Variants in CFAP43 observed in about 807,000 individuals in gnomAD.
The protein encoded by CFAP43 is cilia and flagella associated protein 43.
In CFAP43, 155 loss-of-function variants were observed where a neutral mutation model predicts 218.9. The ratio of observed to expected loss-of-function variants is 0.71; its 90% confidence interval spans 0.62 to 0.81. The LOEUF (loss-of-function observed/expected upper bound fraction) is 0.81. Among genes scored for constraint, CFAP43 ranks in the 30% least tolerant of loss-of-function variants. CFAP43 has a pLI of 0.00. For synonymous variants in CFAP43, 645 were observed against 681.3 expected (o/e 0.95, Z 0.83); for missense variants, 1,778 against 1,954.3 (o/e 0.91, Z 1.70).
intron 10 of CFAP43, 63 bp downstream of exon 10, chr10:104,196,790 T>C (rs2090392939): frequency 2.2e-6 from 3 of 1,379,872 alleles, no homozygotes; most frequent in South Asian, 2.6e-5. Context: ...CATGTGAATA[T>C]GAAAAAGTAG....
At chr10:104,164,013 C>T (rs2134820394) in intron 24 of CFAP43, 81 bp downstream of exon 24, 1 of 1,444,924 alleles carries the variant, frequency 6.9e-7, no homozygotes, top group Non-Finnish European at 9.6e-7. Flanking sequence ...TCACTTCCCA[C>T]AGAGTAACCA....
intron 7 of CFAP43, 112 bp from the exon 8 acceptor site, chr10:104,203,915 A>T (rs558111525): frequency 2.6e-5 from 25 of 973,304 alleles, no homozygotes; most frequent in Non-Finnish European, 3.3e-5. Context: ...ATTTGGAATC[A>T]TCATCTATGT....
At position 104,179,113 on chromosome 10, in the gene CFAP43, C is replaced by A; in HGVS notation, c.2383-7G>T. On this transcript the variant is annotated splice_region_variant and splice_polypyrimidine_tract_variant and intron_variant, in intron 18 of 37. Transcript: ENST00000357060. ...TAACCTCCTTTTTGATGGCCTGAAA[C>A]AGAACAAGTATATCACTTAACAAAG... 1 of 1,606,772 alleles carries A rather than the reference C, an allele frequency of 6.2e-7. No individual in the cohort carries two copies. Among genetic ancestry groups the A allele is most frequent in the South Asian group, 1.1e-5 (1 of 90,736 alleles).
chr10:104,130,913 C>G (rs1354527613), intron 37 of CFAP43, among the ~76,000 whole-genome samples: 1 of 140,476 alleles, frequency 7.1e-6, no homozygotes, highest in Non-Finnish European at 1.5e-5. Flanking sequence ...GTGGGAGGAT[C>G]AATTGAGCCC....
chr10:104,188,549 T>G, intron 12 of CFAP43, 139 bp from the exon 13 acceptor site: 1 of 1,139,174 alleles, frequency 8.8e-7, no homozygotes, highest in South Asian at 1.7e-5. Flanking sequence ...ACATTTAAAG[T>G]GACCTTTAAA....
Position 104,192,298 on chromosome 10 carries a change from C to A in CFAP43, c.1447G>T (p.Asp483Tyr). ...ACTAACAGAAATATTCCTTGCTGAT[C>A]ATAACTAGAAAAGAAGAAATCTGAT... Reference protein sequence around the residue: ...SESSVQHVVYDQQGIFLLVGT... With the variant: ...SESSVQHVVYYQQGIFLLVGT... Residue 483 changes from aspartate to tyrosine, a missense_variant, in exon 12 of 38, where the codon GAT (aspartate) becomes TAT (tyrosine). Physicochemically the swap from Asp to Tyr is radical, Grantham distance 160. This residue lies in a region of CFAP43 where 1,553 missense variants were observed against 1,685.2 expected (regional missense o/e 0.92). Coordinates refer to ENST00000357060, the MANE Select transcript of CFAP43 (RefSeq NM_025145.7). 6.2e-7 allele frequency: 1 copy of A among 1,609,802 alleles called. No homozygotes were observed. The highest frequency in any genetic ancestry group is 8.5e-7 in the Non-Finnish European group (1 of 1,177,436).
At chr10:104,220,941 T>C (rs117840723) in intron 3 of CFAP43, among the ~76,000 whole-genome samples, 2,402 of 146,770 alleles carry the variant, frequency 0.016, 35 homozygotes, top group Non-Finnish European at 0.023. Flanking sequence ...TAACTCTATA[T>C]GAGTGAGCGT....
intron 22 of CFAP43, 51 bp from the exon 23 acceptor site, chr10:104,166,769 T>C (rs1206753120): frequency 1.4e-6 from 2 of 1,469,276 alleles, no homozygotes; most frequent in African/African-American, 2.8e-5. Flanking sequence ...AAGAATCCTC[T>C]AAAGGGAAAT....
At chr10:104,176,058 G>A (rs938938414) in intron 19 of CFAP43, among the ~76,000 whole-genome samples, 2 of 152,058 alleles carry the variant, frequency 1.3e-5, no homozygotes, top group African/African-American at 4.8e-5. Flanking sequence ...ACATAAAAAG[G>A]CCAATTTTTT....
At chr10:104,164,490 C>T (rs893122567) in intron 23 of CFAP43, among the ~76,000 whole-genome samples, 190 bp from the exon 24 acceptor site, 5 of 151,890 alleles carry the variant, frequency 3.3e-5, no homozygotes, top group African/African-American at 7.3e-5. Flanking sequence ...CTCCGCCTCC[C>T]GGGTTCACGC....
intron 23 of CFAP43, among the ~76,000 whole-genome samples, 179 bp downstream of exon 23, chr10:104,166,309 C>T (rs533128292): frequency 5.9e-5 from 9 of 152,198 alleles, no homozygotes; most frequent in African/African-American, 1.7e-4. Flanking sequence ...CTTGACCTCA[C>T]GATCTGACTG....
At chr10:104,211,948 G>C (rs764559363) in intron 5 of CFAP43, 59 bp downstream of exon 5, 25 of 1,557,726 alleles carry the variant, frequency 1.6e-5, no homozygotes, top group Non-Finnish European at 7.0e-6. Context: ...AATCAAATGA[G>C]ATCAGGCTTC....
chr10:104,224,679 T>C (rs1039996154), intron 3 of CFAP43, among the ~76,000 whole-genome samples: 4 of 138,036 alleles, frequency 2.9e-5, no homozygotes, highest in Non-Finnish European at 6.0e-5. Flanking sequence ...TGCTTGAACC[T>C]GGGAGATGGA....
Position 104,232,334 on chromosome 10 carries a change from G to T in CFAP43, c.-88C>A, listed in dbSNP as rs907264481. ...CCTTTCCGCCGCCGCGGGGCTGCGG[G>T]CCGCGACGCCGCTGCTGTGTACACC... On this transcript the variant is annotated 5_prime_UTR_variant, in exon 1 of 38. Coordinates refer to ENST00000357060, the MANE Select transcript of CFAP43 (RefSeq NM_025145.7). The T allele has an allele frequency of 2.3e-6, 3 of 1,296,618 alleles. No individual in the cohort carries two copies. Among genetic ancestry groups the T allele is most frequent in the Non-Finnish European group, 2.1e-6 (2 of 969,616 alleles). 80.3% of individuals were successfully genotyped at this position (1,296,618 alleles called of 1,614,324 possible). A position where few individuals can be genotyped will look rare whatever the true frequency, so the allele number is the denominator to read the frequency against.
chr10:104,138,177 T>C (rs2087537846), intron 34 of CFAP43, among the ~76,000 whole-genome samples: 1 of 152,232 alleles, frequency 6.6e-6, no homozygotes, highest in South Asian at 2.1e-4. Context: ...GACATGTTGA[T>C]AGCATGTATC....
chr10:104,156,835 A>C (rs1239058548), intron 27 of CFAP43, among the ~76,000 whole-genome samples: 2 of 152,150 alleles, frequency 1.3e-5, no homozygotes, highest in African/African-American at 4.8e-5. Flanking sequence ...AACCCAGAAA[A>C]CGGCAAGGAG....
rs758636940 is a variant in CFAP43, at chr10:104,131,503, T to C, written c.4678-19A>G. 1 of 1,593,662 alleles carries C rather than the reference T, an allele frequency of 6.3e-7. No homozygotes were observed. Among genetic ancestry groups the C allele is most frequent in the African/African-American group, 1.4e-5 (1 of 73,476 alleles). ...TGTGCATCTGAAATTTTTGTTCCCA[T>C]GACACCCCACAAAATTAATTTTGAA... On this transcript the variant is annotated intron_variant, in intron 36 of 37. Coordinates refer to ENST00000357060, the MANE Select transcript of CFAP43 (RefSeq NM_025145.7).
Position 104,232,263 on chromosome 10 carries a change from A to T in CFAP43, c.-17T>A. On this transcript the variant is annotated 5_prime_UTR_variant, in exon 1 of 38. Coordinates refer to ENST00000357060, the MANE Select transcript of CFAP43 (RefSeq NM_025145.7). ...TTGCGCCATGGGCAGTGTTTTCCTC[A>T]GGCGGGAGCAGGCAGCGCACGCAGC... 6.3e-7 allele frequency: 1 copy of T among 1,589,538 alleles called. No individual in the cohort carries two copies. Among genetic ancestry groups the T allele is most frequent in the Non-Finnish European group, 8.5e-7 (1 of 1,170,116 alleles).
chr10:104,179,230 G>T, intron 18 of CFAP43, 124 bp from the exon 19 acceptor site: 2 of 723,206 alleles, frequency 2.8e-6, no homozygotes, highest in South Asian at 2.1e-5. Context: ...AATATAAAGT[G>T]TACATGAAGT....
Sources: allele counts gnomAD v4.1 joint callset (sites outside exome capture counted in the v4.1 genomes callset), GRCh38; gene constraint gnomAD v4.1.1; regional missense constraint gnomAD v4.1.1; transcripts MANE v1.5; gene names NCBI Gene and HGNC (gene_info 2026-07-23, HGNC 2026-07-21).